MAN1A2: variants seen among roughly 807,000 people sequenced by gnomAD.
MAN1A2 encodes the protein mannosidase alpha class 1A member 2, also known as mannosyl-oligosaccharide 1,2-alpha-mannosidase IB.
In MAN1A2, 26 loss-of-function variants were observed where a neutral mutation model predicts 75.7. The ratio of observed to expected loss-of-function variants is 0.34; its 90% CI spans 0.25 to 0.48. The LOEUF is 0.48. Among genes scored for constraint, MAN1A2 ranks in the 20% least tolerant of loss-of-function variants. MAN1A2 has a pLI of 0.99. For synonymous variants in MAN1A2, 247 were observed against 264.6 expected, an observed-to-expected ratio of 0.93 and a Z score of 0.65; for missense variants, 562 against 775.5, an observed-to-expected ratio of 0.72 and a Z score of 3.27.
At chr1:117,396,636 T>C (rs1653911298) in intron 1 of MAN1A2, among the ~76,000 whole-genome samples, 1 of 152,070 alleles carries the variant, frequency 6.6e-6, no homozygotes. Context: ...AGAAGAAAAC[T>C]AGCAAGAAAG....
intron 6 of MAN1A2, among the ~76,000 whole-genome samples, chr1:117,457,759 A>G (rs1242480808): frequency 6.6e-6 from 1 of 152,130 alleles, no homozygotes; most frequent in Non-Finnish European, 1.5e-5. Context: ...ATTATGTTAT[A>G]ATCCTTAAAG....
At chr1:117,411,477 G>C (rs893740056) in intron 3 of MAN1A2, among the ~76,000 whole-genome samples, 14 of 151,714 alleles carry the variant, frequency 9.2e-5, no homozygotes, top group African/African-American at 2.9e-4. Context: ...AATTTCAGTA[G>C]AAAACACTTG....
intron 6 of MAN1A2, among the ~76,000 whole-genome samples, chr1:117,451,774 T>C (rs1649425862): frequency 6.6e-6 from 1 of 152,198 alleles, no homozygotes; most frequent in East Asian, 1.9e-4. Flanking sequence ...GTAAGGCCAT[T>C]AAACTTCTTT....
chr1:117,514,708 T>C (rs2101892244), intron 12 of MAN1A2: 3 of 417,102 alleles, frequency 7.2e-6, no homozygotes, highest in South Asian at 5.9e-5. Context: ...CTAAGTAATA[T>C]ATTTTGGAGA....
intron 5 of MAN1A2, among the ~76,000 whole-genome samples, chr1:117,431,199 GGGGGA>G (rs1557947817): frequency 1.4e-4 from 4 of 29,238 alleles, no homozygotes; most frequent in African/African-American, 3.1e-4. Flanking sequence ...GGGAGAGGGA[GGGGGA>G]GGGGGAGGGG....
In MAN1A2 at chr1:117,525,829, C is replaced by A. The variant is rs1036985973; in HGVS notation, c.*2872C>A. ...GAAGTCTCAACTCAGAAAAATAAGT[C>A]CCCAGTCAGGTGGTTCTTACTTTCT... On this transcript the variant is annotated 3_prime_UTR_variant, in exon 13 of 13. Coordinates refer to ENST00000356554, the MANE Select transcript of MAN1A2 (RefSeq NM_006699.5). The A allele has an allele frequency of 1.3e-5, 2 of 151,806 alleles. No homozygotes were observed. Among genetic ancestry groups the A allele is most frequent in the Middle Eastern group, 3.4e-3 (1 of 294 alleles). 9.4% of individuals were successfully genotyped at this position (151,806 alleles called of 1,614,324 possible).
At chr1:117,503,744 C>T (rs1214268444) in intron 12 of MAN1A2, among the ~76,000 whole-genome samples, 1 of 151,512 alleles carries the variant, frequency 6.6e-6, no homozygotes, top group Non-Finnish European at 1.5e-5. Flanking sequence ...GAGGATGTTT[C>T]AGTAGGCAAG....
rs1453503732 is a variant in MAN1A2 at position 117,528,490 on chromosome 1, T to A, written c.*5533T>A. The A allele has an allele frequency of 6.6e-6, 1 of 152,126 alleles. No homozygotes were observed. The highest frequency in any genetic ancestry group is 1.5e-5 in the Non-Finnish European group (1 of 68,006). The allele number at this position is 152,126 out of a possible 1,614,324, so 9.4% of individuals were successfully genotyped here. A position where few individuals can be genotyped will look rare whatever the true frequency, so the allele number is the denominator to read the frequency against. On this transcript the variant is annotated 3_prime_UTR_variant, in exon 13 of 13. Coordinates refer to ENST00000356554, the MANE Select transcript of MAN1A2 (RefSeq NM_006699.5). ...ATATTAATATGCAGAGGATTTTAAA[T>A]AATTGCAAATGTCTTGTGGCTGTTT...
intron 12 of MAN1A2, among the ~76,000 whole-genome samples, chr1:117,520,409 C>A: frequency 6.6e-6 from 1 of 151,914 alleles, no homozygotes; most frequent in African/African-American, 2.4e-5. Flanking sequence ...GATCATTTAC[C>A]TTGAAAACCC....
intron 8 of MAN1A2, among the ~76,000 whole-genome samples, chr1:117,483,467 T>C (rs1489232859): frequency 6.6e-6 from 1 of 152,060 alleles, no homozygotes; most frequent in African/African-American, 2.4e-5. Context: ...CCCTTGTAAG[T>C]TGGATTCTTA....
chr1:117,488,809 C>T (rs960353963), intron 8 of MAN1A2, among the ~76,000 whole-genome samples: 6 of 151,986 alleles, frequency 3.9e-5, no homozygotes, highest in Admixed American at 3.9e-4. Context: ...CTCTTTTCCC[C>T]CATTTATTAC....
chr1:117,515,968 G>A (rs750009779), intron 12 of MAN1A2: 19 of 152,026 alleles, frequency 1.2e-4, no homozygotes, highest in African/African-American at 3.9e-4. Flanking sequence ...GCAATGGCAT[G>A]CTAAAAAGGG....
At chr1:117,498,186 A>G (rs887633038) in intron 10 of MAN1A2, among the ~76,000 whole-genome samples, 1 of 151,836 alleles carries the variant, frequency 6.6e-6, no homozygotes, top group Non-Finnish European at 1.5e-5. Context: ...ATAGAGGCTA[A>G]ATTAAATTAT....
chr1:117,395,577 CA>C (rs1206876342), intron 1 of MAN1A2, among the ~76,000 whole-genome samples: 2 of 151,346 alleles, frequency 1.3e-5, no homozygotes, highest in Admixed American at 6.6e-5. Flanking sequence ...GGACAAAACA[CA>C]AAAAAACAAA....
chr1:117,442,144 T>C, intron 5 of MAN1A2, 87 bp from the exon 6 acceptor site: 1 of 843,092 alleles, frequency 1.2e-6, no homozygotes, highest in Non-Finnish European at 2.0e-6. Context: ...CCCAGTACCT[T>C]GTGCTATGTA....
chr1:117,420,094 A>AT (rs1030951913), intron 4 of MAN1A2, among the ~76,000 whole-genome samples: 4 of 152,000 alleles, frequency 2.6e-5, no homozygotes, highest in Admixed American at 6.6e-5. Context: ...TCATTCTGCC[A>AT]TTTTTTTGGT....
intron 6 of MAN1A2, among the ~76,000 whole-genome samples, chr1:117,452,627 T>C (rs1649459038): frequency 6.6e-6 from 1 of 152,236 alleles, no homozygotes; most frequent in African/African-American, 2.4e-5. Context: ...CGTCTGTGAA[T>C]GCTAAGAGAG....
intron 12 of MAN1A2, among the ~76,000 whole-genome samples, chr1:117,521,479 C>T (rs528658562): frequency 2.0e-5 from 3 of 151,980 alleles, no homozygotes; most frequent in Admixed American, 6.6e-5. Flanking sequence ...ATTGCGACAC[C>T]ACCTTACACC....
rs1047144289 is a variant in MAN1A2 at position 117,367,473 on chromosome 1, CG to C, written c.-709del. ...CAGACCCGTGCGGTAGCAACAGCGG[CG>C]GCGGCCGCGGCGGCTGGCCGGACTC... On this transcript the variant is annotated 5_prime_UTR_variant, in exon 1 of 13. Transcript: ENST00000356554. 29 of 153,540 alleles carry C rather than the reference CG, an allele frequency of 1.9e-4. No homozygotes were observed. Among genetic ancestry groups the C allele is most frequent in the African/African-American group, 6.7e-4 (28 of 41,484 alleles). The allele number at this position is 153,540 out of a possible 1,614,324, so 9.5% of individuals were successfully genotyped here.
Sources: allele counts gnomAD v4.1 joint callset (sites outside exome capture counted in the v4.1 genomes callset), GRCh38; gene constraint gnomAD v4.1.1; transcripts MANE v1.5; gene names NCBI Gene and HGNC (gene_info 2026-07-23, HGNC 2026-07-21).